Variants in MSLN observed in about 807,000 individuals in gnomAD.
MSLN encodes the protein CAK1 antigen.
Under a neutral mutation model 72.6 loss-of-function variants are expected in MSLN, and 82 were observed. That is an observed-to-expected ratio of 1.13 (90% CI 0.94 to 1.36). The LOEUF is 1.36. Ranked by LOEUF, MSLN falls within the 40% of genes most tolerant of loss-of-function variation. MSLN has a pLI of 0.00. For synonymous variants in MSLN, 456 were observed against 387.3 expected (o/e 1.18, Z -2.08); for missense variants, 1,005 against 847.9 (o/e 1.19, Z -2.30).
chr16:766,574 G>A (rs1015189185), intron 13 of MSLN, 84 bp downstream of exon 13: 28 of 1,608,066 alleles, frequency 1.7e-5, no homozygotes, highest in Middle Eastern at 1.6e-4. Context: ...GAGGTTGGGC[G>A]GGCCTGGGGT....
chr16:765,061 C>T (rs370336736), intron 8 of MSLN, 25 bp downstream of exon 8: 55 of 1,608,890 alleles, frequency 3.4e-5, no homozygotes, highest in African/African-American at 1.1e-4. Flanking sequence ...CAGCGCGGGG[C>T]GGAGAGGGCT....
Position 764,648 on chromosome 16 carries a change from T to C in MSLN, c.302T>C (p.Leu101Pro). The change falls in exon 7 of 18, where the codon CTG becomes CCG. Residue 101 changes from leucine (L) to proline (P), a missense_variant and splice_region_variant. Leu to Pro is a moderately conservative substitution (Grantham distance 98). Transcript: ENST00000545450. Reference protein sequence around the residue: ...QKNVKLSTEQLRCLAHRLSEP... With the variant: ...QKNVKLSTEQPRCLAHRLSEP... The stretch of plus-strand genomic sequence containing the variant: ...GTGCTGGACTCCCTGCCCCTGCAGC[T>C]GCGCTGTCTGGCTCACCGGCTCTCT... 6.2e-7 allele frequency: 1 copy of C among 1,612,236 alleles called. No individual in the cohort carries two copies. The highest frequency in any genetic ancestry group is 8.5e-7 in the Non-Finnish European group (1 of 1,179,596).
intron 5 of MSLN, 102 bp downstream of exon 5, chr16:763,793 C>CCCTCCCCCACACCCATG: frequency 1.4e-6 from 1 of 708,568 alleles, no homozygotes; most frequent in Non-Finnish European, 2.3e-6. Context: ...CTCCCCCTTC[C>CCCTCCCCCACACCCATG]TCCTCTGCTC....
In MSLN at chr16:763,666, C is replaced by T. The variant is rs771507324; in HGVS notation, c.154C>T (p.Leu52=). The stretch of plus-strand genomic sequence containing the variant: ...GGAGGCTGCGCCCCTGGACGGAGTC[C>T]TGGCCAACCCACCTAACATTTCCAG... ...GQEAAPLDGV[L]ANPPNISSLS... The change falls in exon 5 of 18, where the codon CTG becomes TTG. Residue 52 remains leucine, a synonymous_variant. Transcript: ENST00000545450. 3 of 1,603,952 alleles carry T rather than the reference C, an allele frequency of 1.9e-6. No homozygotes were observed. Among genetic ancestry groups the T allele is most frequent in the Admixed American group, 1.7e-5 (1 of 59,504 alleles).
At chr16:763,077 G>A (rs2041556452) in intron 3 of MSLN, among the ~76,000 whole-genome samples, 156 bp from the exon 4 acceptor site, 1 of 152,190 alleles carries the variant, frequency 6.6e-6, no homozygotes. Context: ...GGACTGTGAT[G>A]TCACGGGGTA....
chr16:764,454 G>A (rs1407827477), intron 6 of MSLN, among the ~76,000 whole-genome samples, 193 bp from the exon 7 acceptor site: 1 of 152,182 alleles, frequency 6.6e-6, no homozygotes, highest in Non-Finnish European at 1.5e-5. Flanking sequence ...TGAGATCTGG[G>A]GAAGGGGAGC....
chr16:768,397 G>A lies in MSLN; in HGVS notation c.1615G>A (p.Val539Met), dbSNP rs2041669662. ...CTGGCAGCCGTTGACTGTGGCTGAG[G>A]TGCAGAAACTTCTGGGACCCCACGT... is the stretch of plus-strand genomic sequence containing the variant. Reference protein sequence around the residue: ...DAVLPLTVAEVQKLLGPHVEG... With the variant: ...DAVLPLTVAEMQKLLGPHVEG... The change falls in exon 17 of 18, where the codon GTG becomes ATG. Residue 539 changes from valine (V) to methionine (M), a missense_variant. By Grantham distance (21) the Val-to-Met change is conservative (BLOSUM62 1). Transcript: ENST00000545450. 7 of 1,509,286 alleles carry A rather than the reference G, an allele frequency of 4.6e-6. No individual in the cohort carries two copies. The highest frequency in any genetic ancestry group is 6.2e-6 in the Non-Finnish European group (7 of 1,127,534). 93.5% of individuals were successfully genotyped at this position (1,509,286 alleles called of 1,614,324 possible). A position where few individuals can be genotyped will look rare whatever the true frequency, so the allele number is the denominator to read the frequency against.
chr16:765,369 C>T, intron 9 of MSLN, 66 bp downstream of exon 9: 2 of 1,465,592 alleles, frequency 1.4e-6, no homozygotes, highest in Non-Finnish European at 1.8e-6. Context: ...CGTGAGGACA[C>T]TTGCGGCCAT....
Position 762,658 on chromosome 16 carries a change from A to G in MSLN, c.-9-14A>G. 1 of 1,598,134 alleles carries G rather than the reference A, an allele frequency of 6.3e-7. No homozygotes were observed. The highest frequency in any genetic ancestry group is 8.6e-7 in the Non-Finnish European group (1 of 1,166,784). ...GGAGCAGGGGGTCCCATCCTGAGTC[A>G]CTGCCCTCCACAGACACAGACCATG... On this transcript the variant is annotated splice_polypyrimidine_tract_variant and intron_variant, in intron 2 of 17. Transcript: ENST00000545450.
At chr16:766,845 C>A (rs754796672) in intron 14 of MSLN, 35 bp downstream of exon 14, 4 of 1,612,224 alleles carry the variant, frequency 2.5e-6, no homozygotes, top group Admixed American at 1.7e-5. Flanking sequence ...CAAGGTGGGT[C>A]CGTGTGCTGG....
Position 768,388 on chromosome 16 carries a change from G to A in MSLN, c.1606G>A (p.Val536Met). 6.6e-7 allele frequency: 1 copy of A among 1,507,576 alleles called. No homozygotes were observed. Among genetic ancestry groups the A allele is most frequent in the Non-Finnish European group, 8.9e-7 (1 of 1,127,200 alleles). 93.4% of individuals were successfully genotyped at this position (1,507,576 alleles called of 1,614,324 possible). ...LRTDAVLPLT[V>M]AEVQKLLGPH... ...CCGGGGTCTCTGGCAGCCGTTGACT[G>A]TGGCTGAGGTGCAGAAACTTCTGGG... is the stretch of plus-strand genomic sequence containing the variant. The change falls in exon 17 of 18, where the codon GTG (valine) becomes ATG (methionine). Residue 536 changes from valine (V) to methionine (M), a missense_variant. Physicochemically the swap from Val to Met is conservative, Grantham distance 21 (BLOSUM62 1). Transcript: ENST00000545450.
chr16:766,855 G>A (rs1274581329), intron 14 of MSLN, 30 bp from the exon 15 acceptor site: 1 of 1,612,310 alleles, frequency 6.2e-7, no homozygotes, highest in East Asian at 2.2e-5. Context: ...CCGTGTGCTG[G>A]CGCTCACTGT....
In MSLN at chr16:768,395, A is replaced by T; in HGVS notation, c.1613A>T (p.Glu538Val). The stretch of plus-strand genomic sequence containing the variant: ...CTCTGGCAGCCGTTGACTGTGGCTG[A>T]GGTGCAGAAACTTCTGGGACCCCAC... ...TDAVLPLTVA[E>V]VQKLLGPHVE... The change falls in exon 17 of 18, where the codon GAG becomes GTG. Residue 538 changes from glutamate to valine, a missense_variant. By Grantham distance (121) the Glu-to-Val change is moderately radical. Coordinates refer to ENST00000545450, the MANE Select transcript of MSLN (RefSeq NM_005823.6). The T allele has an allele frequency of 1.3e-6, 2 of 1,507,838 alleles. No homozygotes were observed. Among genetic ancestry groups the T allele is most frequent in the Non-Finnish European group, 1.8e-6 (2 of 1,126,986 alleles). 93.4% of individuals were successfully genotyped at this position (1,507,838 alleles called of 1,614,324 possible). A position where few individuals can be genotyped will look rare whatever the true frequency, so the allele number is the denominator to read the frequency against.
At chr16:762,045 G>A (rs2041542759) in intron 2 of MSLN, among the ~76,000 whole-genome samples, 1 of 152,166 alleles carries the variant, frequency 6.6e-6, no homozygotes, top group South Asian at 2.1e-4. Context: ...ACCCTAGAGA[G>A]TACAAGGGGC....
At position 764,930 on chromosome 16, in the gene MSLN, A is replaced by G; in HGVS notation, c.404A>G (p.Gln135Arg). The change falls in exon 8 of 18, where the codon CAG (glutamine) becomes CGG (arginine). Residue 135 changes from glutamine to arginine, a missense_variant. Physicochemically the swap from Gln to Arg is conservative, Grantham distance 43. Coordinates refer to ENST00000545450, the MANE Select transcript of MSLN (RefSeq NM_005823.6). ...FLNPDAFSGP[Q>R]ACTRFFSRIT... ...AGCCCAGATGCGTTCTCGGGGCCCC[A>G]GGCCTGCACCCGTTTCTTCTCCCGC... 1 of 1,612,088 alleles carries G rather than the reference A, an allele frequency of 6.2e-7. No individual in the cohort carries two copies.
At chr16:761,659 A>C (rs1220454369) in intron 2 of MSLN, among the ~76,000 whole-genome samples, 1 of 152,006 alleles carries the variant, frequency 6.6e-6, no homozygotes, top group Non-Finnish European at 1.5e-5. Flanking sequence ...CCACCTTCTC[A>C]AGGTGTTCAG....
intron 2 of MSLN, among the ~76,000 whole-genome samples, chr16:761,449 C>T (rs1596687669): frequency 1.3e-5 from 2 of 152,334 alleles, no homozygotes; most frequent in South Asian, 2.1e-4. Flanking sequence ...TGCAGAGGCC[C>T]CTCAGAGCAG....
chr16:766,721 C>T lies in MSLN; in HGVS notation c.1284C>T (p.Asp428=), dbSNP rs200945897. 2.9e-5 allele frequency: 46 copies of T among 1,612,658 alleles called. No homozygotes were observed. In the South Asian group the frequency reaches 4.4e-4, roughly 15 times the overall value. The part of the protein sequence containing the change: ...FVKGRGQLDK[D]TLDTLTAFYP... Reference sequence around the variant, plus strand: ...AGGGAAGGGGCCAGCTAGACAAAGACACCCTAGACACCCTGACCGCCTTCT... The same window carrying T: ...AGGGAAGGGGCCAGCTAGACAAAGATACCCTAGACACCCTGACCGCCTTCT... The change falls in exon 14 of 18, where the codon GAC becomes GAT. Residue 428 remains aspartate (D), a synonymous_variant. Coordinates refer to ENST00000545450, the MANE Select transcript of MSLN (RefSeq NM_005823.6).
chr16:761,798 C>T (rs1469133783), intron 2 of MSLN, among the ~76,000 whole-genome samples: 1 of 152,248 alleles, frequency 6.6e-6, no homozygotes, highest in African/African-American at 2.4e-5. Context: ...GTGGATGGGG[C>T]TGCTGAGCAT....
Sources: allele counts gnomAD v4.1 joint callset (sites outside exome capture counted in the v4.1 genomes callset), GRCh38; gene constraint gnomAD v4.1.1; transcripts MANE v1.5; gene names NCBI Gene and HGNC (gene_info 2026-07-23, HGNC 2026-07-21).